Variants in F13A1 observed in about 807,000 individuals in gnomAD.
F13A1 encodes the protein coagulation factor XIII A chain, also known as FSF, A subunit.
Under a neutral mutation model 80.1 loss-of-function variants are expected in F13A1, and 47 were observed. That is an observed-to-expected ratio of 0.59 (90% CI 0.46 to 0.75). The LOEUF is 0.75. Among genes scored for constraint, F13A1 ranks in the 30% least tolerant of loss-of-function variants. F13A1 has a pLI of 0.00. For missense variants in F13A1, 817 were observed against 930.4 expected (o/e 0.88, Z 1.59); for synonymous variants, 349 against 344.9 (o/e 1.01, Z -0.13).
chr6:6,267,525 CTTTG>C (rs1456987348), intron 3 of F13A1, among the ~76,000 whole-genome samples: 1 of 152,162 alleles, frequency 6.6e-6, no homozygotes, highest in African/African-American at 2.4e-5. Context: ...TTACCAGAGG[CTTTG>C]TTTTTCTCTG....
chr6:6,310,017 T>C (rs1207902923), intron 2 of F13A1, among the ~76,000 whole-genome samples: 1 of 152,232 alleles, frequency 6.6e-6, no homozygotes, highest in Non-Finnish European at 1.5e-5. Context: ...GTCTCATCCA[T>C]CCTAGTTCTC....
intron 4 of F13A1, among the ~76,000 whole-genome samples, chr6:6,265,812 CTTTAT>C (rs1162483479): frequency 1.3e-5 from 2 of 152,104 alleles, no homozygotes; most frequent in African/African-American, 2.4e-5. Flanking sequence ...ACAGCGTCGA[CTTTAT>C]TTTATTTTTC....
intron 8 of F13A1, among the ~76,000 whole-genome samples, chr6:6,209,698 C>T (rs1366625501): frequency 3.3e-5 from 5 of 152,290 alleles, no homozygotes; most frequent in Admixed American, 6.5e-5. Context: ...CATGCTACAA[C>T]ACGGACGAAC....
chr6:6,282,951 T>C (rs1301603952), intron 3 of F13A1, among the ~76,000 whole-genome samples: 1 of 152,184 alleles, frequency 6.6e-6, no homozygotes, highest in Non-Finnish European at 1.5e-5. Flanking sequence ...CCAACAGCAC[T>C]CCCTAATCAA....
Position 6,266,544 on chromosome 6 carries a change from T to C in F13A1, c.571+14A>G, listed in dbSNP as rs749783796. 10 of 1,614,228 alleles carry C rather than the reference T, an allele frequency of 6.2e-6. No individual in the cohort carries two copies. The highest frequency in any genetic ancestry group is 8.5e-6 in the Non-Finnish European group (10 of 1,180,030). On this transcript the variant is annotated intron_variant, in intron 4 of 14. Transcript: ENST00000264870. ...TGAATTTTTAAATGAGAAAACTAAA[T>C]GTCTGCCTCTTACCTTCACACCAAG...
In F13A1 at chr6:6,174,875, A is replaced by C; in HGVS notation, c.1460-8T>G. Reference sequence around the variant, plus strand: ...ATCTCTCTTCTTCTTGACCTGGGGGAGATCCAGAGATAATGACAGGCAAAA... The same window carrying C: ...ATCTCTCTTCTTCTTGACCTGGGGGCGATCCAGAGATAATGACAGGCAAAA... On this transcript the variant is annotated splice_region_variant and splice_polypyrimidine_tract_variant and intron_variant, in intron 11 of 14. Transcript: ENST00000264870. 6.2e-7 allele frequency: 1 copy of C among 1,614,040 alleles called. No individual in the cohort carries two copies. The highest frequency in any genetic ancestry group is 8.5e-7 in the Non-Finnish European group (1 of 1,180,000).
At chr6:6,217,343 C>T (rs1323874168) in intron 8 of F13A1, among the ~76,000 whole-genome samples, 1 of 145,498 alleles carries the variant, frequency 6.9e-6, no homozygotes, top group Non-Finnish European at 1.5e-5. Flanking sequence ...GAATACTATG[C>T]AGCCATAAAA....
intron 8 of F13A1, among the ~76,000 whole-genome samples, chr6:6,219,442 T>C (rs1282202407): frequency 6.6e-6 from 1 of 152,220 alleles, no homozygotes; most frequent in Admixed American, 6.5e-5. Flanking sequence ...GCACTCTACC[T>C]GGATGACCTG....
At chr6:6,237,588 A>G (rs951748930) in intron 6 of F13A1, among the ~76,000 whole-genome samples, 1 of 152,178 alleles carries the variant, frequency 6.6e-6, no homozygotes, top group Non-Finnish European at 1.5e-5. Context: ...CTGGTGCCCT[A>G]TTGATCCTTT....
chr6:6,172,285 CA>C (rs1760790016), intron 12 of F13A1, among the ~76,000 whole-genome samples: 1 of 90,710 alleles, frequency 1.1e-5, no homozygotes, highest in Non-Finnish European at 2.4e-5. Context: ...TGTCTATTTG[CA>C]AAACTCTCTG....
At chr6:6,308,270 G>A (rs1050156417) in intron 2 of F13A1, among the ~76,000 whole-genome samples, 7 of 151,824 alleles carry the variant, frequency 4.6e-5, no homozygotes, top group African/African-American at 2.4e-5. Flanking sequence ...GTGATCCGCC[G>A]GCTTGGCTTT....
intron 4 of F13A1, among the ~76,000 whole-genome samples, chr6:6,258,240 C>T (rs1473439034): frequency 2.6e-5 from 4 of 152,094 alleles, no homozygotes; most frequent in South Asian, 2.1e-4. Flanking sequence ...GAGAAATGCA[C>T]GTAACATCAC....
chr6:6,269,726 T>A (rs1256346853), intron 3 of F13A1, among the ~76,000 whole-genome samples: 1 of 152,124 alleles, frequency 6.6e-6, no homozygotes, highest in Non-Finnish European at 1.5e-5. Context: ...TATTTTGTTT[T>A]GTTTTGAGAT....
intron 3 of F13A1, among the ~76,000 whole-genome samples, chr6:6,271,946 T>G (rs1382316354): frequency 6.6e-6 from 1 of 152,250 alleles, no homozygotes; most frequent in African/African-American, 2.4e-5. Context: ...TTTAATTCCA[T>G]TTGTGATGTT....
In F13A1 at chr6:6,193,119, T is replaced by C. The variant is rs145141546; in HGVS notation, c.1305+2678A>G. On this transcript the variant is annotated intron_variant, in intron 10 of 14. Transcript: ENST00000264870. ...CATGGGAAGGGAGGGGTAAGAGAAA[T>C]AAGCTTCAAGCCCTGGCAGAAACCC... Among the ~76,000 whole-genome samples, 296 of 151,980 alleles carry C rather than the reference T, an allele frequency of 1.9e-3. 2 individuals are homozygous for C. The highest frequency in any genetic ancestry group is 6.9e-3 in the African/African-American group (286 of 41,424).
At chr6:6,290,187 T>C (rs1400147460) in intron 3 of F13A1, among the ~76,000 whole-genome samples, 1 of 152,166 alleles carries the variant, frequency 6.6e-6, no homozygotes, top group African/African-American at 2.4e-5. Context: ...GAAAAATAAA[T>C]ATAAAAACAT....
intron 3 of F13A1, among the ~76,000 whole-genome samples, chr6:6,277,335 C>CA (rs1160750080): frequency 0.29 from 119 of 414 alleles, 56 homozygotes; most frequent in Non-Finnish European, 0.36. Context: ...GACTCCGTCT[C>CA]AAAAAAAAAA....
At chr6:6,293,989 G>A (rs1758275739) in intron 3 of F13A1, among the ~76,000 whole-genome samples, 1 of 152,076 alleles carries the variant, frequency 6.6e-6, no homozygotes, top group Admixed American at 6.6e-5. Flanking sequence ...AATGCAAATT[G>A]GAAGCAACTA....
chr6:6,186,262 A>G (rs1301612876), intron 10 of F13A1, among the ~76,000 whole-genome samples: 6 of 151,340 alleles, frequency 4.0e-5, no homozygotes, highest in African/African-American at 1.4e-4. Flanking sequence ...TTTTGTTGCC[A>G]TTGCTTTTGG....
Sources: allele counts gnomAD v4.1 joint callset (sites outside exome capture counted in the v4.1 genomes callset), GRCh38; gene constraint gnomAD v4.1.1; transcripts MANE v1.5; gene names NCBI Gene and HGNC (gene_info 2026-07-23, HGNC 2026-07-21).